POLD3: variants seen among roughly 807,000 people sequenced by gnomAD.
POLD3 encodes the protein DNA polymerase delta 3, accessory subunit.
A neutral mutation model predicts 58.2 loss-of-function variants in POLD3; 19 were observed. That is an observed-to-expected ratio of 0.33 (90% CI 0.23 to 0.48). POLD3 has a LOEUF of 0.48. Among genes scored for constraint, POLD3 ranks in the 20% least tolerant of loss-of-function variants. The probability of loss-of-function intolerance (pLI) is 0.99; values close to 1 mark genes in which losing one functional copy is unlikely to be tolerated. For missense variants in POLD3, 504 were observed against 545.5 expected (o/e 0.92, Z 0.76); for synonymous variants, 172 against 193.5 (o/e 0.89, Z 0.92).
At chr11:74,607,558 G>T (rs550228464) in intron 3 of POLD3, among the ~76,000 whole-genome samples, 1 of 151,696 alleles carries the variant, frequency 6.6e-6, no homozygotes, top group African/African-American at 2.4e-5. Context: ...GAGCCACCGC[G>T]CCTGGACTTA....
intron 4 of POLD3, among the ~76,000 whole-genome samples, chr11:74,660,731 A>G (rs556489539): frequency 2.0e-5 from 3 of 152,198 alleles, no homozygotes; most frequent in African/African-American, 4.8e-5. Flanking sequence ...TGGCCAGGTA[A>G]GGTGTGCCGG....
intron 4 of POLD3, among the ~76,000 whole-genome samples, chr11:74,649,044 A>G (rs1202396056): frequency 2.0e-5 from 3 of 152,112 alleles, no homozygotes; most frequent in African/African-American, 7.2e-5. Flanking sequence ...TGCCTGAGCC[A>G]TGGTCCTAGT....
chr11:74,630,745 T>G (rs2032566833), intron 9 of POLD3, among the ~76,000 whole-genome samples: 1 of 152,216 alleles, frequency 6.6e-6, no homozygotes, highest in Non-Finnish European at 1.5e-5. Flanking sequence ...TAAAAGACCT[T>G]GGGAAGATTT....
intron 6 of POLD3, among the ~76,000 whole-genome samples, chr11:74,619,340 C>T (rs977533283): frequency 4.0e-5 from 6 of 151,484 alleles, no homozygotes; most frequent in Non-Finnish European, 7.4e-5. Context: ...TTTTAAAAAT[C>T]CAGAAAAGCA....
rs77071619 is a variant in POLD3, at chr11:74,616,018, C to A, written c.393-2519C>A. Among the ~76,000 whole-genome samples the A allele has an allele frequency of 9.2e-3, 1,395 of 151,858 alleles. 20 individuals carry two copies. The highest frequency in any genetic ancestry group is 0.032 in the African/African-American group (1,325 of 41,362). On this transcript the variant is annotated intron_variant, in intron 5 of 11. Transcript: ENST00000263681. ...GAAGGATTTCAAGAAAATATTAACACCCTGATAAGTTTATTTGAAATATAT... is the reference window on the plus strand; with the variant it reads ...GAAGGATTTCAAGAAAATATTAACAACCTGATAAGTTTATTTGAAATATAT...
In POLD3 at chr11:74,625,710, A is replaced by G. The variant is rs59033645; in HGVS notation, c.899+137A>G. On this transcript the variant is annotated intron_variant, in intron 8 of 11. Transcript: ENST00000263681. Reference sequence around the variant, plus strand: ...GCCTAAGGGATACAACTATACAACCAAAATGGAAAGAGAAGCCCAGTAGCT... The same window carrying G: ...GCCTAAGGGATACAACTATACAACCGAAATGGAAAGAGAAGCCCAGTAGCT... 400 of 616,206 alleles carry G rather than the reference A, an allele frequency of 6.5e-4. 1 individual carries two copies. The African/African-American group carries it at 7.1e-3, about 11-fold the overall frequency. 38.2% of individuals were successfully genotyped at this position (616,206 alleles called of 1,614,324 possible).
chr11:74,665,550 G>A (rs1343281485), intron 4 of POLD3, among the ~76,000 whole-genome samples: 10 of 151,702 alleles, frequency 6.6e-5, no homozygotes, highest in African/African-American at 2.4e-4. Flanking sequence ...ACAGGCATGC[G>A]CTACCACACC....
At chr11:74,615,662 T>G (rs1364235435) in intron 5 of POLD3, among the ~76,000 whole-genome samples, 3 of 152,136 alleles carry the variant, frequency 2.0e-5, no homozygotes. Flanking sequence ...TGACTTGAAC[T>G]TGGGTTGTTA....
chr11:74,638,190 A>G (rs1447570549), intron 11 of POLD3, among the ~76,000 whole-genome samples: 1 of 152,138 alleles, frequency 6.6e-6, no homozygotes, highest in Non-Finnish European at 1.5e-5. Context: ...CAGCTAAAAT[A>G]AAGGCCCTAT....
chr11:74,636,521 C>T (rs1345070550), intron 11 of POLD3, among the ~76,000 whole-genome samples: 3 of 152,138 alleles, frequency 2.0e-5, no homozygotes. Flanking sequence ...AAAGTTATGT[C>T]GTCCCTGGTG....
At chr11:74,618,448 A>G (rs2032146216) in intron 5 of POLD3, 89 bp from the exon 6 acceptor site, 3 of 890,962 alleles carry the variant, frequency 3.4e-6, no homozygotes, top group Non-Finnish European at 5.3e-6. Flanking sequence ...AAAGTTTTAT[A>G]CTGACATTAG....
chr11:74,611,315 A>AT (rs924210896), intron 3 of POLD3, among the ~76,000 whole-genome samples, 184 bp from the exon 4 acceptor site: 10 of 151,910 alleles, frequency 6.6e-5, no homozygotes, highest in African/African-American at 1.5e-4. Flanking sequence ...GCAAATTATT[A>AT]TTTTTTTTCC....
At chr11:74,666,623 AC>A (rs757394678) in intron 4 of POLD3, among the ~76,000 whole-genome samples, 2 of 152,140 alleles carry the variant, frequency 1.3e-5, no homozygotes, top group Non-Finnish European at 2.9e-5. Flanking sequence ...GAATCAAAAG[AC>A]TTAGTAGTAT....
At chr11:74,623,681 A>G (rs1007059350) in intron 7 of POLD3, among the ~76,000 whole-genome samples, 2 of 152,224 alleles carry the variant, frequency 1.3e-5, no homozygotes, top group African/African-American at 4.8e-5. Context: ...TGATGACAAA[A>G]TTTAAAGGTC....
At chr11:74,660,740 G>A (rs935318609) in intron 4 of POLD3, among the ~76,000 whole-genome samples, 10 of 152,062 alleles carry the variant, frequency 6.6e-5, no homozygotes, top group East Asian at 3.9e-4. Context: ...AAGGTGTGCC[G>A]GCTTCCTCTT....
At chr11:74,637,627 A>G (rs1253344822) in intron 11 of POLD3, among the ~76,000 whole-genome samples, 1 of 151,884 alleles carries the variant, frequency 6.6e-6, no homozygotes, top group African/African-American at 2.4e-5. Context: ...AAAAAAGTCA[A>G]ACGTCTTTGT....
At chr11:74,624,621 C>T (rs151086525) in intron 7 of POLD3, among the ~76,000 whole-genome samples, 3 of 152,296 alleles carry the variant, frequency 2.0e-5, no homozygotes, top group East Asian at 1.9e-4. Context: ...CTAAGTACAG[C>T]GTGAAGGCTA....
At chr11:74,607,240 T>TTATA (rs1554974446) in intron 3 of POLD3, among the ~76,000 whole-genome samples, 5 of 61,924 alleles carry the variant, frequency 8.1e-5, no homozygotes, top group Non-Finnish European at 1.2e-4. Context: ...ATTATTATTA[T>TTATA]TATATATTTA....
intron 4 of POLD3, among the ~76,000 whole-genome samples, chr11:74,661,334 C>T (rs1295926270): frequency 6.6e-6 from 1 of 152,140 alleles, no homozygotes; most frequent in Non-Finnish European, 1.5e-5. Context: ...TTGTACCTGT[C>T]TTTGGGAAGG....
Sources: allele counts gnomAD v4.1 joint callset (sites outside exome capture counted in the v4.1 genomes callset), GRCh38; gene constraint gnomAD v4.1.1; transcripts MANE v1.5; gene names NCBI Gene and HGNC (gene_info 2026-07-23, HGNC 2026-07-21).